Variants in PRKX observed in about 807,000 individuals in gnomAD.
PRKX encodes the protein protein kinase cAMP-dependent X-linked catalytic subunit.
A neutral mutation model predicts 22.0 loss-of-function variants in PRKX; 12 were observed. The observed-to-expected ratio is 0.54, with a 90% CI of 0.35 to 0.88. The LOEUF (loss-of-function observed/expected upper bound fraction) is 0.88. PRKX is among the 40% of genes least tolerant of loss of function. The pLI is 0.01. For missense variants in PRKX, 217 were observed against 308.0 expected (o/e 0.70, Z 2.21); for synonymous variants, 134 against 137.7 (o/e 0.97, Z 0.19).
chrX:3,710,109 C>A (rs1173988369), intron 1 of PRKX, among the ~76,000 whole-genome samples: 1 of 110,048 alleles, frequency 9.1e-6, no homozygotes, highest in Non-Finnish European at 1.9e-5. Context: ...TTTTTTAAAG[C>A]ACAATTGTTC....
In PRKX at chrX:3,630,217, A is replaced by G. The variant is rs187431882; in HGVS notation, c.720-3703T>C. Among the ~76,000 whole-genome samples the G allele has an allele frequency of 1.2e-4, 14 of 112,460 alleles. No individual in the cohort carries two copies. The East Asian group carries it at 3.6e-3, about 29-fold the overall frequency. Reference sequence around the variant, plus strand: ...ATCTAGAAGTCAACTGTATTAGTCCATTTTCAGTCTGCTATAAAGAACTAC... The same window carrying G: ...ATCTAGAAGTCAACTGTATTAGTCCGTTTTCAGTCTGCTATAAAGAACTAC... On this transcript the variant is annotated intron_variant, in intron 4 of 8. Transcript: ENST00000262848.
At chrX:3,690,890 A>G (rs189862782) in intron 1 of PRKX, among the ~76,000 whole-genome samples, 1 of 112,630 alleles carries the variant, frequency 8.9e-6, no homozygotes, top group Admixed American at 9.5e-5. Context: ...GCAGCTTTCA[A>G]TAACATTTGA....
At chrX:3,686,136 G>A (rs1287239821) in intron 1 of PRKX, among the ~76,000 whole-genome samples, 1 of 111,650 alleles carries the variant, frequency 9.0e-6, no homozygotes, top group Non-Finnish European at 1.9e-5. Flanking sequence ...AGACATTCAT[G>A]AGGACCTGTG....
chrX:3,689,634 C>T (rs1456140316), intron 1 of PRKX, among the ~76,000 whole-genome samples: 3 of 111,759 alleles, frequency 2.7e-5, no homozygotes, highest in East Asian at 2.8e-4. Context: ...GAGTAGTGAT[C>T]GCACCCCTGT....
At chrX:3,612,145 T>C in intron 8 of PRKX, 32 bp downstream of exon 8, 4 of 1,163,278 alleles carry the variant, frequency 3.4e-6, no homozygotes, top group Non-Finnish European at 4.6e-6. Context: ...GTCAGTCTCA[T>C]TTTTTGGGAA....
At chrX:3,640,168 G>A (rs1159076242) in intron 4 of PRKX, among the ~76,000 whole-genome samples, 3 of 109,228 alleles carry the variant, frequency 2.7e-5, no homozygotes, top group Non-Finnish European at 5.7e-5. Context: ...GAGACTCAGG[G>A]GCAAGCAGAA....
At chrX:3,620,790 G>T (rs1406840440) in intron 6 of PRKX, among the ~76,000 whole-genome samples, 1 of 111,791 alleles carries the variant, frequency 8.9e-6, no homozygotes, top group African/African-American at 3.3e-5. Context: ...AGGGTGCAGG[G>T]TTTCTTTTTT....
intron 2 of PRKX, among the ~76,000 whole-genome samples, chrX:3,661,501 A>G (rs774456818): frequency 9.1e-6 from 1 of 110,152 alleles, no homozygotes; most frequent in South Asian, 4.0e-4. Flanking sequence ...CAGGTACTTA[A>G]GAGGCTGAGG....
At chrX:3,693,975 T>C (rs1209986389) in intron 1 of PRKX, among the ~76,000 whole-genome samples, 3 of 96,600 alleles carry the variant, frequency 3.1e-5, no homozygotes, top group South Asian at 4.7e-4. Context: ...GAAAATAGGG[T>C]CTTTGTAGTT....
intron 2 of PRKX, among the ~76,000 whole-genome samples, chrX:3,661,547 G>A (rs2111385): frequency 9.2e-6 from 1 of 108,369 alleles, no homozygotes; most frequent in African/African-American, 3.4e-5. Flanking sequence ...TTGAAGCTAT[G>A]ACTGAACCTC....
At chrX:3,695,086 T>C (rs1928418630) in intron 1 of PRKX, among the ~76,000 whole-genome samples, 1 of 111,334 alleles carries the variant, frequency 9.0e-6, no homozygotes, top group Non-Finnish European at 1.9e-5. Context: ...AAATGGACCC[T>C]CCAACGGGCA....
In PRKX at chrX:3,685,544, G is replaced by A. The variant is rs750585517; in HGVS notation, c.167-10778C>T. Among the ~76,000 whole-genome samples, 274 of 111,191 alleles carry A rather than the reference G, an allele frequency of 2.5e-3. 1 individual carries two copies. The highest frequency in any genetic ancestry group is 4.4e-3 in the Non-Finnish European group (232 of 53,104). ...AAGCACATCACACAGAATAATAAAC[G>A]TAGTAAATGAATGCATCTGTAAGCG... On this transcript the variant is annotated intron_variant, in intron 1 of 8. Coordinates refer to ENST00000262848, the MANE Select transcript of PRKX (RefSeq NM_005044.5).
At chrX:3,688,855 C>T (rs867187131) in intron 1 of PRKX, among the ~76,000 whole-genome samples, 12 of 101,714 alleles carry the variant, frequency 1.2e-4, no homozygotes, top group East Asian at 6.1e-4. Flanking sequence ...GGCAAAAGAG[C>T]GGGACCCCCA....
At chrX:3,646,929 G>A (rs1344229705) in intron 3 of PRKX, among the ~76,000 whole-genome samples, 8 of 110,487 alleles carry the variant, frequency 7.2e-5, no homozygotes, top group Non-Finnish European at 1.1e-4. Context: ...TAATACCCAC[G>A]TCCTAGTATG....
chrX:3,626,198 G>A (rs760577321), intron 5 of PRKX, among the ~76,000 whole-genome samples: 1 of 112,042 alleles, frequency 8.9e-6, no homozygotes, highest in South Asian at 3.7e-4. Context: ...ACCACCAAAA[G>A]AACACAATAC....
At chrX:3,660,981 G>A (rs1927582725) in intron 2 of PRKX, among the ~76,000 whole-genome samples, 2 of 110,035 alleles carry the variant, frequency 1.8e-5, no homozygotes. Context: ...AAACTACTGA[G>A]ATGTGTAAGG....
At chrX:3,622,175 C>A (rs574584008) in intron 5 of PRKX, among the ~76,000 whole-genome samples, 73 of 109,302 alleles carry the variant, frequency 6.7e-4, no homozygotes, top group African/African-American at 2.3e-3. Flanking sequence ...ACAACAACGA[C>A]AACAAAAAAC....
intron 1 of PRKX, among the ~76,000 whole-genome samples, chrX:3,691,788 CACAG>C (rs1306836258): frequency 9.0e-6 from 1 of 111,144 alleles, no homozygotes; most frequent in African/African-American, 3.3e-5. Flanking sequence ...GAATCTCTGC[CACAG>C]ACAGATAGAA....
intron 4 of PRKX, among the ~76,000 whole-genome samples, chrX:3,627,255 G>A (rs1421638873): frequency 2.8e-5 from 3 of 108,949 alleles, no homozygotes; most frequent in South Asian, 4.0e-4. Context: ...GGTGGCACGC[G>A]TCCGTAATCC....
Sources: allele counts gnomAD v4.1 joint callset (sites outside exome capture counted in the v4.1 genomes callset), GRCh38; gene constraint gnomAD v4.1.1; transcripts MANE v1.5; gene names NCBI Gene and HGNC (gene_info 2026-07-23, HGNC 2026-07-21).